Variants in FAM24B observed in about 807,000 individuals in gnomAD.
FAM24B encodes family with sequence similarity 24 member B.
In FAM24B, 3 loss-of-function variants were observed where a neutral mutation model predicts 2.3. The observed-to-expected ratio is 1.29, with a 90% CI of 0.59 to 3.32. The LOEUF (loss-of-function observed/expected upper bound fraction) is 3.32, where lower values mean the gene tolerates loss of function less well. FAM24B is among the 30% of genes most tolerant of loss of function. The pLI is 0.03. For missense variants in FAM24B, 98 were observed against 117.2 expected (o/e 0.84, Z 0.76); for synonymous variants, 36 against 46.3 (o/e 0.78, Z 0.90).
Position 122,849,087 on chromosome 10 carries a change from A to G in FAM24B, c.*160T>C, listed in dbSNP as rs1251674698. ...CAACAATCAAAAAATATTGGCAGCA[A>G]AGAGGATTATTTTTAATAGTGTACA... is the stretch of plus-strand genomic sequence containing the variant. On this transcript the variant is annotated 3_prime_UTR_variant, in exon 4 of 4. Transcript: ENST00000368898. The G allele has an allele frequency of 2.2e-6, 1 of 461,920 alleles. No individual in the cohort carries two copies. The highest frequency in any genetic ancestry group is 3.6e-6 in the Non-Finnish European group (1 of 277,296). The allele number at this position is 461,920 out of a possible 1,614,324, so 28.6% of individuals were successfully genotyped here. A position where few individuals can be genotyped will look rare whatever the true frequency, so the allele number is the denominator to read the frequency against.
intron 1 of FAM24B, among the ~76,000 whole-genome samples, chr10:122,871,630 C>T (rs1326363443): frequency 6.6e-6 from 1 of 152,082 alleles, no homozygotes; most frequent in Non-Finnish European, 1.5e-5. Context: ...AGAAATAATG[C>T]CGCGTATCTA....
chr10:122,858,242 T>C (rs972531910), intron 1 of FAM24B, among the ~76,000 whole-genome samples: 18 of 152,184 alleles, frequency 1.2e-4, no homozygotes, highest in Admixed American at 6.5e-5. Flanking sequence ...GATGAATTCA[T>C]GTCCTTTGTA....
At chr10:122,852,510 T>C (rs1352322024) in intron 2 of FAM24B, among the ~76,000 whole-genome samples, 1 of 152,120 alleles carries the variant, frequency 6.6e-6, no homozygotes, top group Non-Finnish European at 1.5e-5. Flanking sequence ...TCTGTTTTAG[T>C]CTCCACTGAC....
chr10:122,864,874 C>T (rs1223412367), intron 1 of FAM24B, among the ~76,000 whole-genome samples: 1 of 152,198 alleles, frequency 6.6e-6, no homozygotes, highest in Non-Finnish European at 1.5e-5. Context: ...CTTAAGGTTT[C>T]TCCATGTCAT....
At chr10:122,875,336 C>T (rs1190072826) in intron 1 of FAM24B, among the ~76,000 whole-genome samples, 1 of 152,150 alleles carries the variant, frequency 6.6e-6, no homozygotes, top group Non-Finnish European at 1.5e-5. Flanking sequence ...ATGCTATCTG[C>T]TTTTTCCATT....
At chr10:122,857,027 T>C (rs1404550488) in intron 1 of FAM24B, among the ~76,000 whole-genome samples, 1 of 152,210 alleles carries the variant, frequency 6.6e-6, no homozygotes, top group Non-Finnish European at 1.5e-5. Context: ...TTCCTATTTC[T>C]TGCTGGCTAA....
intron 1 of FAM24B, among the ~76,000 whole-genome samples, chr10:122,867,350 G>C (rs1167791344): frequency 1.4e-4 from 22 of 152,210 alleles, no homozygotes; most frequent in Non-Finnish European, 1.5e-5. Context: ...GCCTCTGTAG[G>C]CTCCACCTCT....
chr10:122,874,950 TG>T (rs1380089997), intron 1 of FAM24B, among the ~76,000 whole-genome samples: 1 of 152,208 alleles, frequency 6.6e-6, no homozygotes, highest in Non-Finnish European at 1.5e-5. Context: ...TTATCTTGCT[TG>T]GTGTTCTCCA....
At position 122,873,457 on chromosome 10, in the gene FAM24B, T is replaced by C. The variant is rs532240933; in HGVS notation, c.-178+6028A>G. Among the ~76,000 whole-genome samples, 6 of 152,358 alleles carry C rather than the reference T, an allele frequency of 3.9e-5. No homozygotes were observed. The East Asian group carries it at 5.8e-4, about 15-fold the overall frequency. On this transcript the variant is annotated intron_variant, in intron 1 of 3. Transcript: ENST00000368898. ...TCAGAAAAAAGTTCCTTTCAATACA[T>C]TAGTGCTAACTGATGCTTGGCCAGG... is the stretch of plus-strand genomic sequence containing the variant.
intron 1 of FAM24B, among the ~76,000 whole-genome samples, chr10:122,856,643 G>C (rs1847644236): frequency 6.6e-6 from 1 of 152,186 alleles, no homozygotes. Context: ...TCTCAGTCTA[G>C]CCATGCTGGG....
chr10:122,872,680 G>GC (rs1457851130), intron 1 of FAM24B, among the ~76,000 whole-genome samples: 2 of 151,796 alleles, frequency 1.3e-5, no homozygotes, highest in African/African-American at 4.8e-5. Flanking sequence ...GCAAACTATC[G>GC]CAAGGACAGA....
At chr10:122,865,935 T>C (rs2133835417) in intron 1 of FAM24B, among the ~76,000 whole-genome samples, 2 of 150,004 alleles carry the variant, frequency 1.3e-5, no homozygotes, top group African/African-American at 4.9e-5. Context: ...TGAGATGGAG[T>C]CTCTGTTGCC....
At chr10:122,863,905 A>G (rs908226250) in intron 1 of FAM24B, among the ~76,000 whole-genome samples, 1 of 152,136 alleles carries the variant, frequency 6.6e-6, no homozygotes, top group Non-Finnish European at 1.5e-5. Context: ...CTACAAAAGG[A>G]CTTTGGTCTT....
chr10:122,850,945 A>T (rs755249380), intron 2 of FAM24B, among the ~76,000 whole-genome samples: 8 of 149,404 alleles, frequency 5.4e-5, no homozygotes, highest in African/African-American at 7.4e-5. Context: ...GTCAGAAATG[A>T]CCCCCCACTG....
At chr10:122,876,906 A>G (rs1257024181) in intron 1 of FAM24B, among the ~76,000 whole-genome samples, 2 of 152,224 alleles carry the variant, frequency 1.3e-5, no homozygotes, top group African/African-American at 4.8e-5. Context: ...TTTTGAGGGT[A>G]AAAGGTCCTG....
In FAM24B at chr10:122,849,097, T is replaced by C. The variant is rs1037848427; in HGVS notation, c.*150A>G. 1.2e-5 allele frequency: 6 copies of C among 496,330 alleles called. No homozygotes were observed. Among genetic ancestry groups the C allele is most frequent in the African/African-American group, 1.2e-4 (6 of 50,180 alleles). 30.7% of individuals were successfully genotyped at this position (496,330 alleles called of 1,614,324 possible). On this transcript the variant is annotated 3_prime_UTR_variant, in exon 4 of 4. Transcript: ENST00000368898. ...AAAATATTGGCAGCAAAGAGGATTA[T>C]TTTTAATAGTGTACATTTATTCAAA...
intron 2 of FAM24B, 197 bp from the exon 3 acceptor site, chr10:122,850,747 C>CA (rs1847520216): frequency 2.1e-6 from 1 of 476,862 alleles, no homozygotes; most frequent in African/African-American, 1.9e-5. Context: ...TAAAAAAAGT[C>CA]AGTTTGTCAA....
intron 2 of FAM24B, among the ~76,000 whole-genome samples, chr10:122,854,082 T>C: frequency 6.6e-6 from 1 of 152,232 alleles, no homozygotes; most frequent in Non-Finnish European, 1.5e-5. Context: ...CTGAATTTTG[T>C]CAGTCTGGTA....
At chr10:122,858,609 T>G (rs1847678178) in intron 1 of FAM24B, among the ~76,000 whole-genome samples, 1 of 152,000 alleles carries the variant, frequency 6.6e-6, no homozygotes, top group Admixed American at 6.6e-5. Context: ...TACACACCTG[T>G]GCCCACAGCA....
Sources: gnomAD v4.1 joint callset for allele counts (sites outside exome capture counted in the v4.1 genomes callset) on GRCh38, gnomAD v4.1.1 for gene constraint, MANE v1.5 for transcripts, NCBI Gene and HGNC (gene_info 2026-07-23, HGNC 2026-07-21) for gene names.